RAPGEF3: variants seen among roughly 807,000 people sequenced by gnomAD.
RAPGEF3 encodes Rap guanine nucleotide exchange factor 3.
RAPGEF3 carries 103 observed loss-of-function variants against 129.8 expected under a neutral mutation model. The ratio of observed to expected loss-of-function variants is 0.79; its 90% CI spans 0.68 to 0.93. RAPGEF3 has a LOEUF of 0.93. Ranked by LOEUF, RAPGEF3 falls within the 40% of genes least tolerant of loss-of-function variation. RAPGEF3 has a pLI of 0.00. For synonymous variants in RAPGEF3, 436 were observed against 482.6 expected, an observed-to-expected ratio of 0.90 and a Z score of 1.26; for missense variants, 1,117 against 1,207.4, an observed-to-expected ratio of 0.93 and a Z score of 1.11.
intron 12 of RAPGEF3, 122 bp from the exon 13 acceptor site, chr12:47,748,274 C>T (rs191895616): frequency 3.9e-5 from 40 of 1,013,024 alleles, no homozygotes; most frequent in Non-Finnish European, 1.5e-6. Flanking sequence ...CCAGCAGTGT[C>T]CAGCCCCTGT....
rs1020979744 is a variant in RAPGEF3 at position 47,740,562 on chromosome 12, A to G, written c.2231+80T>C. ...CAAATAGGGTGGCAGATTTGGCAAC[A>G]TACTAAGCAAAGAGGGGGGCTTAGG... is the stretch of plus-strand genomic sequence containing the variant. On this transcript the variant is annotated intron_variant, in intron 21 of 27. Transcript: ENST00000449771. The G allele has an allele frequency of 3.9e-6, 6 of 1,554,592 alleles. No individual in the cohort carries two copies. In the South Asian group the frequency reaches 4.6e-5, roughly 12 times the overall value.
chr12:47,737,718 T>C, intron 27 of RAPGEF3, 33 bp from the exon 28 acceptor site: 1 of 1,586,904 alleles, frequency 6.3e-7, no homozygotes, highest in Non-Finnish European at 8.6e-7. Context: ...GAGGCACTGA[T>C]GCCCCTTTGT....
chr12:47,744,667 T>G (rs1368442884), intron 16 of RAPGEF3: 1 of 154,218 alleles, frequency 6.5e-6, no homozygotes, highest in Non-Finnish European at 1.4e-5. Flanking sequence ...AGGCCTCTGC[T>G]GGCAGGGCAG....
chr12:47,738,709 A>G lies in RAPGEF3; in HGVS notation c.2507T>C (p.Leu836Pro). The G allele has an allele frequency of 6.2e-7, 1 of 1,609,150 alleles. No homozygotes were observed. Among genetic ancestry groups the G allele is most frequent in the Non-Finnish European group, 8.5e-7 (1 of 1,175,470 alleles). Residue 836 changes from leucine (L) to proline (P), a missense_variant, in exon 25 of 28, where the codon CTC (leucine) becomes CCC (proline). Leu to Pro is a moderately conservative substitution (Grantham distance 98, BLOSUM62 -3). This residue lies in a region of RAPGEF3 where 643 missense variants were observed against 673.4 expected (regional missense o/e 0.95). Coordinates refer to ENST00000449771, the MANE Select transcript of RAPGEF3 (RefSeq NM_001098531.4). ...ACTCACCATCTTCTCAAAGTTGATG[A>G]GATTCTCCACTAGTGTGTGGTTTCC... The part of the protein sequence containing the change: ...HEGNHTLVEN[L>P]INFEKMRMMA...
rs1440475519 is a variant in RAPGEF3 at position 47,758,386 on chromosome 12, C to A, written c.6+165G>T. 5.3e-6 allele frequency: 8 copies of A among 1,515,974 alleles called. No homozygotes were observed. In the Admixed American group the frequency reaches 1.7e-4, roughly 32 times the overall value. The allele number at this position is 1,515,974 out of a possible 1,614,324, so 93.9% of individuals were successfully genotyped here. A position where few individuals can be genotyped will look rare whatever the true frequency, so the allele number is the denominator to read the frequency against. ...ATCTCCACTACCTCCCAGTATGAAG[C>A]TATAGATTCACTAGGTCTCCCAGAA... is the stretch of plus-strand genomic sequence containing the variant. On this transcript the variant is annotated intron_variant, in intron 1 of 27. Coordinates refer to ENST00000449771, the MANE Select transcript of RAPGEF3 (RefSeq NM_001098531.4).
At chr12:47,746,976 G>C (rs1368552490) in intron 15 of RAPGEF3, 77 bp from the exon 16 acceptor site, 1 of 1,405,752 alleles carries the variant, frequency 7.1e-7, no homozygotes, top group Non-Finnish European at 9.8e-7. Flanking sequence ...TGGGGCTCTG[G>C]ATTCTCCCCG....
In RAPGEF3 at chr12:47,744,018, G is replaced by A; in HGVS notation, c.1647C>T (p.Gly549=). 6.2e-7 allele frequency: 1 copy of A among 1,612,340 alleles called. No individual in the cohort carries two copies. The highest frequency in any genetic ancestry group is 8.5e-7 in the Non-Finnish European group (1 of 1,178,426). ...WLPNQDEPLP[G]SSCAIQVGDK... ...CCCCAACTTGGATGGCACAGCTGCT[G>A]CCAGGAAGGGGCTCGTCCTGGTTGG... The change falls in exon 17 of 28, where the codon GGC becomes GGT. Residue 549 remains glycine (G), a synonymous_variant. Transcript: ENST00000449771.
chr12:47,737,814 T>G, intron 27 of RAPGEF3, 129 bp from the exon 28 acceptor site: 1 of 1,121,084 alleles, frequency 8.9e-7, no homozygotes, highest in Non-Finnish European at 1.3e-6. Context: ...CATCACCAAT[T>G]CCTAAAGACG....
chr12:47,751,024 C>CCCCT, intron 6 of RAPGEF3, 24 bp downstream of exon 6: 1 of 1,590,096 alleles, frequency 6.3e-7, no homozygotes, highest in Non-Finnish European at 8.6e-7. Context: ...CCTGGGGTCA[C>CCCCT]GGGGTGCAGG....
In RAPGEF3 at chr12:47,758,040, C is replaced by T. The variant is rs1250399826; in HGVS notation, c.45G>A (p.Leu15=). Residue 15 remains leucine (L), a synonymous_variant, in exon 2 of 28, where the codon CTG becomes CTA. Transcript: ENST00000449771. ...CCAGAGCTGGGCTATCCTCCACAGCCAGGCCCACCTGCCAGCAGCTCTCAC... is the reference window on the plus strand; with the variant it reads ...CCAGAGCTGGGCTATCCTCCACAGCTAGGCCCACCTGCCAGCAGCTCTCAC... ...WPGESCWQVG[L]AVEDSPALGA... 6.3e-7 allele frequency: 1 copy of T among 1,574,824 alleles called. No individual in the cohort carries two copies. Among genetic ancestry groups the T allele is most frequent in the East Asian group, 2.3e-5 (1 of 42,944 alleles).
Position 47,737,527 on chromosome 12 carries a change from G to A in RAPGEF3, c.*40C>T, listed in dbSNP as rs373216242. On this transcript the variant is annotated 3_prime_UTR_variant, in exon 28 of 28. Coordinates refer to ENST00000449771, the MANE Select transcript of RAPGEF3 (RefSeq NM_001098531.4). Reference sequence around the variant, plus strand: ...TGGCCCGGCACACCCTGGCTTTCCCGGCTGCAAGTGCCTGCTCCAGCTCCA... The same window carrying A: ...TGGCCCGGCACACCCTGGCTTTCCCAGCTGCAAGTGCCTGCTCCAGCTCCA... 637 of 1,579,126 alleles carry A rather than the reference G, an allele frequency of 4.0e-4. No homozygotes were observed. Among genetic ancestry groups the A allele is most frequent in the Non-Finnish European group, 4.7e-4 (539 of 1,155,000 alleles).
Position 47,738,746 on chromosome 12 carries a change from A to C in RAPGEF3, c.2470T>G (p.Phe824Val). The change falls in exon 25 of 28, where the codon TTC becomes GTC. Residue 824 changes from phenylalanine to valine, a missense_variant. Transcript: ENST00000449771. Reference sequence around the variant, plus strand: ...AGTGTGTGGTTTCCCTCATGAATGAAGGTCATGTCTGCAAAGAGATGGGTT... The same window carrying C: ...AGTGTGTGGTTTCCCTCATGAATGACGGTCATGTCTGCAAAGAGATGGGTT... ...FMPLLLKDMTFIHEGNHTLVE... is the reference protein window; with the variant it reads ...FMPLLLKDMTVIHEGNHTLVE... 6.2e-7 allele frequency: 1 copy of C among 1,609,210 alleles called. No individual in the cohort carries two copies. Among genetic ancestry groups the C allele is most frequent in the Non-Finnish European group, 8.5e-7 (1 of 1,175,576 alleles).
intron 23 of RAPGEF3, 29 bp from the exon 24 acceptor site, chr12:47,739,259 T>C (rs770565625): frequency 1.2e-5 from 19 of 1,546,252 alleles, no homozygotes; most frequent in Non-Finnish European, 1.7e-5. Context: ...CTGAGGGGGT[T>C]GCACACACCA....
chr12:47,743,478 G>T, intron 18 of RAPGEF3, 52 bp downstream of exon 18: 1 of 1,569,354 alleles, frequency 6.4e-7, no homozygotes, highest in South Asian at 1.1e-5. Flanking sequence ...GGACCTGGGC[G>T]CAGATCCGAG....
chr12:47,746,748 G>A, intron 16 of RAPGEF3, 112 bp downstream of exon 16: 1 of 1,192,602 alleles, frequency 8.4e-7, no homozygotes, highest in East Asian at 2.5e-5. Flanking sequence ...CCAAGGGTGT[G>A]TCTGTGGGAG....
At chr12:47,743,453 A>G (rs1941265743) in intron 18 of RAPGEF3, 77 bp downstream of exon 18, 5 of 1,507,976 alleles carry the variant, frequency 3.3e-6, no homozygotes, top group South Asian at 1.2e-5. Flanking sequence ...AATGATGACA[A>G]TGATCTTGAC....
chr12:47,738,337 A>G, intron 25 of RAPGEF3, 90 bp from the exon 26 acceptor site: 2 of 1,519,678 alleles, frequency 1.3e-6, no homozygotes, highest in Non-Finnish European at 1.8e-6. Flanking sequence ...CTCCCTCTGA[A>G]CCAAGGATCA....
intron 6 of RAPGEF3, among the ~76,000 whole-genome samples, chr12:47,750,686 G>C (rs148345319): frequency 6.6e-6 from 1 of 152,246 alleles, no homozygotes; most frequent in South Asian, 2.1e-4. Context: ...GGAGGCTCAA[G>C]GTCACCCAGC....
Position 47,758,689 on chromosome 12 carries a change from G to C in RAPGEF3, c.-133C>G, listed in dbSNP as rs1942254097. 1 of 1,473,554 alleles carries C rather than the reference G, an allele frequency of 6.8e-7. No homozygotes were observed. Among genetic ancestry groups the C allele is most frequent in the South Asian group, 1.4e-5 (1 of 70,270 alleles). The allele number at this position is 1,473,554 out of a possible 1,614,324, so 91.3% of individuals were successfully genotyped here. On this transcript the variant is annotated 5_prime_UTR_variant, in exon 1 of 28. Transcript: ENST00000449771. ...AGTCCAGGTACAGTGAACTGGGCCA[G>C]TGCCTAGCTGGACTGGCTGCCAGGG...
Sources: allele counts gnomAD v4.1 joint callset (sites outside exome capture counted in the v4.1 genomes callset), GRCh38; gene constraint gnomAD v4.1.1; regional missense constraint gnomAD v4.1.1; transcripts MANE v1.5; gene names NCBI Gene and HGNC (gene_info 2026-07-23, HGNC 2026-07-21).